AHCY: variants seen among roughly 807,000 people sequenced by gnomAD.
AHCY encodes the protein adenosylhomocysteinase.
Under a neutral mutation model 45.4 loss-of-function variants are expected in AHCY, and 24 were observed. The ratio of observed to expected loss-of-function variants is 0.53; its 90% CI spans 0.38 to 0.74. AHCY has a LOEUF of 0.74. AHCY is among the 30% of genes least tolerant of loss of function. The pLI is 0.00. For synonymous variants in AHCY, 245 were observed against 235.1 expected, an observed-to-expected ratio of 1.04 and a Z score of -0.39; for missense variants, 449 against 594.1, an observed-to-expected ratio of 0.76 and a Z score of 2.54.
chr20:34,277,910 C>T (rs547956914), downstream of AHCY, among the ~76,000 whole-genome samples: 5 of 152,316 alleles, frequency 3.3e-5, no homozygotes, highest in Non-Finnish European at 5.9e-5. Flanking sequence ...TTCCAAAGTT[C>T]AGTCCACTGC....
chr20:34,298,608 G>A (rs1015924316), intron 1 of AHCY, among the ~76,000 whole-genome samples: 3 of 122,302 alleles, frequency 2.5e-5, no homozygotes, highest in East Asian at 2.2e-4. Flanking sequence ...GCGGCGGCGG[G>A]AGGGGGGGGG....
At chr20:34,268,782 A>C in the AHCY span, among the ~76,000 whole-genome samples, 4 of 151,808 alleles carry the variant, frequency 2.6e-5, no homozygotes, top group Admixed American at 6.6e-5. Flanking sequence ...ACTAGGGAGA[A>C]GACGACCAGG....
intron 8 of AHCY, among the ~76,000 whole-genome samples, chr20:34,287,698 G>A (rs1396155514): frequency 1.3e-5 from 2 of 152,020 alleles, no homozygotes; most frequent in African/African-American, 2.4e-5. Flanking sequence ...GGCCAGAAGG[G>A]GGTCTCTTGA....
At chr20:34,305,581 G>C (rs565212793), upstream of AHCY, among the ~76,000 whole-genome samples, 5 of 152,242 alleles carry the variant, frequency 3.3e-5, no homozygotes, top group African/African-American at 9.6e-5. Context: ...ATGTTACTAG[G>C]TTGTCCTACG....
chr20:34,309,858 GAAGGAGGGAGGGAGAA>G (rs1409383516), intron 1 of AHCY, among the ~76,000 whole-genome samples: 2 of 150,908 alleles, frequency 1.3e-5, no homozygotes, highest in Non-Finnish European at 3.0e-5. Context: ...AGGACAGAAG[GAAGGAGGGAGGGAGAA>G]AAGGAGGTAG....
At chr20:34,239,631 T>C in the AHCY span, among the ~76,000 whole-genome samples, 1 of 152,210 alleles carries the variant, frequency 6.6e-6, no homozygotes, top group South Asian at 2.1e-4. Context: ...GTAGATGAGA[T>C]AGCAGTGTTC....
chr20:34,290,499 C>T lies in AHCY; in HGVS notation c.855-50G>A, dbSNP rs1319692759. ...GAGATTGTCAGGGACAGAAAGCTGT[C>T]CCAACTCTGCCCTCCTCCCTCACTC... On this transcript the variant is annotated intron_variant, in intron 7 of 9. Coordinates refer to ENST00000217426, the MANE Select transcript of AHCY (RefSeq NM_000687.4). The surrounding 1 kb of genome is among the most constrained non-coding windows in gnomAD (Gnocchi z 4.5). 7 of 1,613,680 alleles carry T rather than the reference C, an allele frequency of 4.3e-6. No individual in the cohort carries two copies. Among genetic ancestry groups the T allele is most frequent in the Non-Finnish European group, 5.9e-6 (7 of 1,179,692 alleles).
the AHCY span, chr20:34,260,367 C>T: frequency 1.2e-6 from 2 of 1,612,600 alleles, no homozygotes; most frequent in South Asian, 1.1e-5. Flanking sequence ...CCACTCAGGC[C>T]TCCTGGGATG....
chr20:34,269,424 G>A, the AHCY span: 1 of 471,954 alleles, frequency 2.1e-6, no homozygotes. Flanking sequence ...GCTCTCCCGG[G>A]GCTCAGGAAA....
the AHCY span, chr20:34,260,631 C>A: frequency 9.0e-6 from 12 of 1,326,230 alleles, no homozygotes; most frequent in Non-Finnish European, 1.2e-5. Context: ...GCCATGGTCA[C>A]GGCTCCTTCT....
At chr20:34,300,027 A>C (rs1236712383) in intron 1 of AHCY, among the ~76,000 whole-genome samples, 1 of 152,194 alleles carries the variant, frequency 6.6e-6, no homozygotes, top group African/African-American at 2.4e-5. Flanking sequence ...TCTACTAAAA[A>C]TACAAAAATT....
chr20:34,265,738 T>A, the AHCY span, among the ~76,000 whole-genome samples: 1 of 149,216 alleles, frequency 6.7e-6, no homozygotes, highest in East Asian at 2.1e-4. Context: ...TCACCTTAGG[T>A]CAGGAATTTA....
intron 9 of AHCY, 112 bp from the exon 10 acceptor site, chr20:34,281,277 G>A: frequency 2.0e-6 from 3 of 1,494,300 alleles, no homozygotes; most frequent in South Asian, 1.2e-5. Context: ...GCCATGTGTG[G>A]TACTCATGTT....
the AHCY span, chr20:34,268,888 C>T: frequency 7.0e-7 from 1 of 1,438,120 alleles, no homozygotes; most frequent in Non-Finnish European, 9.5e-7. Context: ...AGCGGGGAAA[C>T]CTCTGGTCCG....
At chr20:34,260,703 A>G in the AHCY span, among the ~76,000 whole-genome samples, 1 of 152,218 alleles carries the variant, frequency 6.6e-6, no homozygotes, top group Non-Finnish European at 1.5e-5. Flanking sequence ...TGGTTTGGGA[A>G]AGCTCTGCAT....
At chr20:34,306,798 C>T (rs1227733164), upstream of AHCY, among the ~76,000 whole-genome samples, 1 of 152,194 alleles carries the variant, frequency 6.6e-6, no homozygotes, top group Non-Finnish European at 1.5e-5. Context: ...TGCTGAGTGA[C>T]AAAAACCAAT....
chr20:34,268,979 T>C, the AHCY span: 1 of 1,595,958 alleles, frequency 6.3e-7, no homozygotes, highest in Non-Finnish European at 8.5e-7. Context: ...AGCCCCGGCG[T>C]TTCCCACGCA....
rs57655889 is a variant in AHCY at position 34,294,222 on chromosome 20, G to A, written c.220-66C>T. ...CTCAAAAGCACCAGGGACGCTGGGCGAGGAAAAGGGAGAGCTTCGGGTAGT... is the reference window on the plus strand; with the variant it reads ...CTCAAAAGCACCAGGGACGCTGGGCAAGGAAAAGGGAGAGCTTCGGGTAGT... On this transcript the variant is annotated intron_variant, in intron 2 of 9. Transcript: ENST00000217426. 985 of 1,421,748 alleles carry A rather than the reference G, an allele frequency of 6.9e-4. 2 individuals carry two copies. Among genetic ancestry groups the A allele is most frequent in the Admixed American group, 1.2e-3 (67 of 54,788 alleles). 88.1% of individuals were successfully genotyped at this position (1,421,748 alleles called of 1,614,324 possible).
chr20:34,257,591 C>A, the AHCY span, among the ~76,000 whole-genome samples: 2 of 151,982 alleles, frequency 1.3e-5, no homozygotes, highest in Non-Finnish European at 2.9e-5. Context: ...ACAAATATTT[C>A]ATATTTCTAT....
Sources: allele counts gnomAD v4.1 joint callset (sites outside exome capture counted in the v4.1 genomes callset), GRCh38; gene constraint gnomAD v4.1.1; non-coding constraint Gnocchi (gnomAD v3.1); transcripts MANE v1.5; gene names NCBI Gene and HGNC (gene_info 2026-07-23, HGNC 2026-07-21).